EIF5B: variants seen among roughly 807,000 people sequenced by gnomAD.
EIF5B encodes the protein eIF-5B.
In EIF5B, 47 loss-of-function variants were observed where a neutral mutation model predicts 147.5. That is an observed-to-expected ratio of 0.32 (90% CI 0.25 to 0.41). The LOEUF is 0.41. EIF5B is among the 10% of genes least tolerant of loss of function. The probability of loss-of-function intolerance (pLI) is 1.00; values close to 1 mark genes in which losing one functional copy is unlikely to be tolerated. For synonymous variants in EIF5B, 455 were observed against 456.2 expected (o/e 1.00, Z 0.03); for missense variants, 1,064 against 1,413.2 (o/e 0.75, Z 3.96).
chr2:99,338,310 T>G (rs928788464), intron 1 of EIF5B: 2 of 1,288,646 alleles, frequency 1.6e-6, no homozygotes, highest in Non-Finnish European at 2.0e-6. Flanking sequence ...ATATGCGAGT[T>G]ACTTACCTAG....
Position 99,361,485 on chromosome 2 carries a change from A to T in EIF5B, c.584A>T (p.Gln195Leu), listed in dbSNP as rs1674213524. 6.2e-7 allele frequency: 1 copy of T among 1,613,998 alleles called. No homozygotes were observed. Among genetic ancestry groups the T allele is most frequent in the South Asian group, 1.1e-5 (1 of 91,048 alleles). The change falls in exon 4 of 24, where the codon CAA becomes CTA. Residue 195 changes from glutamine to leucine, a missense_variant. Physicochemically the swap from Gln to Leu is moderately radical, Grantham distance 113 (BLOSUM62 -2). Coordinates refer to ENST00000289371, the MANE Select transcript of EIF5B (RefSeq NM_015904.4). ...GGTGATGAATCAGATGAATTTTTGCAATCTAGAAAAGGACAGAAAAAAAAT... is the reference window on the plus strand; with the variant it reads ...GGTGATGAATCAGATGAATTTTTGCTATCTAGAAAAGGACAGAAAAAAAAT... ...ESGDESDEFL[Q>L]SRKGQKKNQK...
At position 99,382,824 on chromosome 2, in the gene EIF5B, T is replaced by A. The variant is rs776732242; in HGVS notation, c.2174T>A (p.Leu725Ter). The change falls in exon 14 of 24, where the codon TTA (leucine) becomes TAA (stop). Residue 725 changes from leucine (L) to a stop codon, truncating the protein, a stop_gained. Coordinates refer to ENST00000289371, the MANE Select transcript of EIF5B (RefSeq NM_015904.4). LOFTEE classifies it high-confidence loss of function. ...RGSSLCDIAI[L>*]VVDIMHGLEP... The stretch of plus-strand genomic sequence containing the variant: ...AGCTCTCTTTGTGACATTGCCATTT[T>A]AGTTGTTGATATTATGCATGGTTTG... 1 of 1,611,940 alleles carries A rather than the reference T, an allele frequency of 6.2e-7. No homozygotes were observed. Among genetic ancestry groups the A allele is most frequent in the South Asian group, 1.1e-5 (1 of 90,414 alleles).
At chr2:99,353,738 T>C (rs760719499) in intron 1 of EIF5B, among the ~76,000 whole-genome samples, 8 of 152,230 alleles carry the variant, frequency 5.3e-5, no homozygotes, top group Non-Finnish European at 8.8e-5. Flanking sequence ...GTTTCTAAAC[T>C]TTTGTCTTTC....
intron 1 of EIF5B, among the ~76,000 whole-genome samples, chr2:99,343,616 G>A (rs2105334522): frequency 6.6e-6 from 1 of 151,796 alleles, no homozygotes; most frequent in Middle Eastern, 3.4e-3. Context: ...TCAGGAGTTC[G>A]AGACCAGCCT....
chr2:99,390,361 G>C lies in EIF5B; in HGVS notation c.2546G>C (p.Arg849Thr), dbSNP rs1270073062. ...VELTQTMLSK[R>T]LAHCEELRAQ... is the part of the protein sequence containing the mutation. ...TTAACTCAGACCATGTTGAGCAAGA[G>C]ACTTGCACACTGTGAAGAGCTGAGA... Residue 849 changes from arginine to threonine, a missense_variant, in exon 16 of 24, where the codon AGA (arginine) becomes ACA (threonine). Coordinates refer to ENST00000289371, the MANE Select transcript of EIF5B (RefSeq NM_015904.4). The C allele has an allele frequency of 6.2e-7, 1 of 1,613,574 alleles. No homozygotes were observed. Among genetic ancestry groups the C allele is most frequent in the Admixed American group, 1.7e-5 (1 of 59,990 alleles).
At chr2:99,365,454 G>A (rs113049883) in intron 6 of EIF5B, among the ~76,000 whole-genome samples, 52 of 152,234 alleles carry the variant, frequency 3.4e-4, no homozygotes, top group African/African-American at 1.2e-3. Context: ...ATTCTTAATG[G>A]AGAATATAGC....
chr2:99,382,310 G>T (rs1674707443), intron 13 of EIF5B, 84 bp downstream of exon 13: 2 of 1,175,862 alleles, frequency 1.7e-6, no homozygotes, highest in South Asian at 1.3e-5. Flanking sequence ...ATTAACCTTT[G>T]AGTAGTAATT....
At chr2:99,337,854 G>A (rs953172943) in intron 1 of EIF5B, among the ~76,000 whole-genome samples, 1 of 152,268 alleles carries the variant, frequency 6.6e-6, no homozygotes, top group African/African-American at 2.4e-5. Flanking sequence ...TCATTTGAGG[G>A]TTCCTGGTCG....
At position 99,376,615 on chromosome 2, in the gene EIF5B, C is replaced by G. The variant is rs182287715; in HGVS notation, c.1821C>G (p.Asp607Glu). The change falls in exon 10 of 24, where the codon GAC becomes GAG. Residue 607 changes from aspartate to glutamate, a missense_variant. By Grantham distance (45) the Asp-to-Glu change is conservative. This residue lies in a region of EIF5B where 195 missense variants were observed against 186.3 expected (regional missense o/e 1.05). Transcript: ENST00000289371. Reference sequence around the variant, plus strand: ...GGACTAAAGAAGAAAGGGCTTATGACAAAGCAAAACGGAGGATTGAGGTAT... The same window carrying G: ...GGACTAAAGAAGAAAGGGCTTATGAGAAAGCAAAACGGAGGATTGAGGTAT... ...DDRTKEERAY[D>E]KAKRRIEKRR... 6.2e-7 allele frequency: 1 copy of G among 1,603,956 alleles called. No homozygotes were observed. Among genetic ancestry groups the G allele is most frequent in the Admixed American group, 1.7e-5 (1 of 57,704 alleles).
chr2:99,375,899 C>T (rs778026846), intron 9 of EIF5B, among the ~76,000 whole-genome samples: 1 of 152,016 alleles, frequency 6.6e-6, no homozygotes, highest in East Asian at 1.9e-4. Flanking sequence ...TGGAGCATTT[C>T]GTATTTCAGG....
intron 18 of EIF5B, among the ~76,000 whole-genome samples, chr2:99,393,762 T>TA (rs766678190): frequency 3.1e-4 from 47 of 152,196 alleles, no homozygotes; most frequent in African/African-American, 1.0e-3. Flanking sequence ...GGAGTGGACT[T>TA]ACGTCCCTTC....
At chr2:99,396,206 T>G (rs549716988) in intron 21 of EIF5B, among the ~76,000 whole-genome samples, 70 of 152,318 alleles carry the variant, frequency 4.6e-4, no homozygotes, top group Non-Finnish European at 8.2e-4. Flanking sequence ...TGAGAAGAAT[T>G]CTACTTAACA....
chr2:99,364,757 C>T (rs1674293063), intron 6 of EIF5B, among the ~76,000 whole-genome samples: 1 of 152,146 alleles, frequency 6.6e-6, no homozygotes, highest in Non-Finnish European at 1.5e-5. Flanking sequence ...TTGTACCTCT[C>T]CATCTACTTT....
In EIF5B at chr2:99,392,961, CTG is replaced by C. The variant is rs1674967169; in HGVS notation, c.2749-4_2749-3del. 1 of 1,509,988 alleles carries C rather than the reference CTG, an allele frequency of 6.6e-7. No individual in the cohort carries two copies. The allele number at this position is 1,509,988 out of a possible 1,614,324, so 93.5% of individuals were successfully genotyped here. On this transcript the variant is annotated splice_region_variant and splice_polypyrimidine_tract_variant and intron_variant, in intron 17 of 23. Transcript: ENST00000289371. Reference sequence around the variant, plus strand: ...CATTTGGTAACAAATGTTTTTATCTCTGTAGAACCAGTATGAAAAGCATAAAG... The same window carrying C: ...CATTTGGTAACAAATGTTTTTATCTCTAGAACCAGTATGAAAAGCATAAAG...
At chr2:99,372,863 G>C (rs1039360021) in intron 9 of EIF5B, among the ~76,000 whole-genome samples, 1 of 152,028 alleles carries the variant, frequency 6.6e-6, no homozygotes, top group African/African-American at 2.4e-5. Context: ...TAATCATTTT[G>C]TTCAAGTCTT....
chr2:99,394,761 T>C lies in EIF5B; in HGVS notation c.3132T>C (p.Asp1044=). The change falls in exon 21 of 24, where the codon GAT becomes GAC. Residue 1044 remains aspartate, a synonymous_variant. Coordinates refer to ENST00000289371, the MANE Select transcript of EIF5B (RefSeq NM_015904.4). ...CCTTCGATGTGAGAATTGAACGAGA[T>C]GCACAAGAAATGGCTGATAGTTTAG... The part of the protein sequence containing the change: ...ILAFDVRIER[D]AQEMADSLGV... The C allele has an allele frequency of 6.2e-7, 1 of 1,612,970 alleles. No individual in the cohort carries two copies. The highest frequency in any genetic ancestry group is 1.1e-5 in the South Asian group (1 of 90,498).
chr2:99,372,863 G>T (rs1039360021), intron 9 of EIF5B, among the ~76,000 whole-genome samples: 1 of 152,028 alleles, frequency 6.6e-6, no homozygotes, highest in Non-Finnish European at 1.5e-5. Flanking sequence ...TAATCATTTT[G>T]TTCAAGTCTT....
At chr2:99,397,919 T>C (rs1211418524) in intron 22 of EIF5B, 1 of 149,070 alleles carries the variant, frequency 6.7e-6, no homozygotes, top group African/African-American at 2.5e-5. Context: ...TATTGAGTCA[T>C]AGACTCAGTG....
rs191562985 is a variant in EIF5B, at chr2:99,386,709, G to T, written c.2272-3009G>T. Reference sequence around the variant, plus strand: ...CACCCGGTTAGGGTTGTTTTTTTCTGGGGGGCGGGGGGGCGGTGTGTGTGT... The same window carrying T: ...CACCCGGTTAGGGTTGTTTTTTTCTTGGGGGCGGGGGGGCGGTGTGTGTGT... On this transcript the variant is annotated intron_variant, in intron 14 of 23. Coordinates refer to ENST00000289371, the MANE Select transcript of EIF5B (RefSeq NM_015904.4). Among the ~76,000 whole-genome samples the T allele has an allele frequency of 3.9e-3, 592 of 150,748 alleles. 5 individuals are homozygous for T. Among genetic ancestry groups the T allele is most frequent in the African/African-American group, 0.014 (565 of 41,058 alleles).
Sources: allele counts gnomAD v4.1 joint callset (sites outside exome capture counted in the v4.1 genomes callset), GRCh38; gene constraint gnomAD v4.1.1; regional missense constraint gnomAD v4.1.1; transcripts MANE v1.5; gene names NCBI Gene and HGNC (gene_info 2026-07-23, HGNC 2026-07-21).